Variants in FSTL5 observed in about 807,000 individuals in gnomAD.
FSTL5 encodes the protein follistatin like 5.
In FSTL5, 62 loss-of-function variants were observed where a neutral mutation model predicts 89.1. The observed-to-expected ratio is 0.70, with a 90% CI of 0.57 to 0.86. The LOEUF (loss-of-function observed/expected upper bound fraction) is 0.86, where lower values mean the gene tolerates loss of function less well. FSTL5 is among the 40% of genes least tolerant of loss of function. The pLI is 0.00. For synonymous variants in FSTL5, 383 were observed against 346.2 expected, an observed-to-expected ratio of 1.11 and a Z score of -1.18; for missense variants, 1,057 against 1,001.6, an observed-to-expected ratio of 1.06 and a Z score of -0.75.
At chr4:161,416,042 G>A (rs376326331) in intron 15 of FSTL5, among the ~76,000 whole-genome samples, 2 of 151,810 alleles carry the variant, frequency 1.3e-5, no homozygotes, top group Non-Finnish European at 2.9e-5. Flanking sequence ...ATCTTTATTC[G>A]TTGATGAGCT....
At chr4:161,393,084 A>AGCT (rs1730876067) in intron 15 of FSTL5, among the ~76,000 whole-genome samples, 1 of 152,086 alleles carries the variant, frequency 6.6e-6, no homozygotes, top group Non-Finnish European at 1.5e-5. Flanking sequence ...GAATCACTTG[A>AGCT]ACCCGGGAGG....
chr4:161,677,881 G>T (rs755634001), intron 6 of FSTL5, among the ~76,000 whole-genome samples: 30 of 151,674 alleles, frequency 2.0e-4, no homozygotes, highest in Admixed American at 6.6e-5. Flanking sequence ...GTGAATTAAT[G>T]CATATATCTA....
intron 6 of FSTL5, among the ~76,000 whole-genome samples, chr4:161,694,663 A>T (rs1017346773): frequency 6.6e-6 from 1 of 151,954 alleles, no homozygotes; most frequent in African/African-American, 2.4e-5. Flanking sequence ...TTTTTTCCCC[A>T]TGAATGGGCA....
At chr4:161,395,847 C>A (rs1422804236) in intron 15 of FSTL5, among the ~76,000 whole-genome samples, 1 of 152,074 alleles carries the variant, frequency 6.6e-6, no homozygotes, top group African/African-American at 2.4e-5. Flanking sequence ...AAAATCAGGA[C>A]AAATATAAAG....
chr4:161,421,392 G>A (rs182702953), intron 15 of FSTL5, among the ~76,000 whole-genome samples: 10 of 151,722 alleles, frequency 6.6e-5, no homozygotes, highest in East Asian at 1.9e-4. Context: ...AATAATGTGC[G>A]TGTATCAAAG....
At chr4:162,120,773 T>C (rs1256401898) in intron 1 of FSTL5, among the ~76,000 whole-genome samples, 1 of 152,028 alleles carries the variant, frequency 6.6e-6, no homozygotes, top group Non-Finnish European at 1.5e-5. Context: ...TACCTGACTA[T>C]AACCTCTTCA....
At chr4:161,428,650 A>G (rs1732246081) in intron 15 of FSTL5, among the ~76,000 whole-genome samples, 1 of 151,934 alleles carries the variant, frequency 6.6e-6, no homozygotes, top group Admixed American at 6.5e-5. Flanking sequence ...TTTAAATGGA[A>G]GAACGCAGTC....
Position 161,384,664 on chromosome 4 carries a change from CT to C in FSTL5, c.*1082del, listed in dbSNP as rs1730551401. On this transcript the variant is annotated 3_prime_UTR_variant, in exon 16 of 16. Coordinates refer to ENST00000306100, the MANE Select transcript of FSTL5 (RefSeq NM_020116.5). ...TTTAAATAGCAAAAACAATGGAGTA[CT>C]ACATTTTTACTTACCACTGTCGGGC... 6.6e-6 allele frequency: 1 copy of C among 152,054 alleles called. No homozygotes were observed. Among genetic ancestry groups the C allele is most frequent in the African/African-American group, 2.4e-5 (1 of 41,406 alleles). The allele number at this position is 152,054 out of a possible 1,614,324, so 9.4% of individuals were successfully genotyped here.
chr4:161,848,857 T>C (rs1441392342), intron 4 of FSTL5, among the ~76,000 whole-genome samples: 2 of 152,156 alleles, frequency 1.3e-5, no homozygotes, highest in African/African-American at 4.8e-5. Flanking sequence ...TTACTTGCAT[T>C]CAATTGACCA....
At chr4:161,442,765 C>A (rs11931414) in intron 15 of FSTL5, among the ~76,000 whole-genome samples, 14,769 of 152,012 alleles carry the variant, frequency 0.097, 796 homozygotes, top group South Asian at 0.2. Context: ...GTGCCAGGAA[C>A]TGTACAAGAG....
At chr4:161,818,142 C>T (rs1730384499) in intron 4 of FSTL5, among the ~76,000 whole-genome samples, 1 of 152,162 alleles carries the variant, frequency 6.6e-6, no homozygotes, top group Non-Finnish European at 1.5e-5. Context: ...AGCTGGACAT[C>T]AAGAAGAATG....
rs548209321 is a variant in FSTL5 at position 162,111,264 on chromosome 4, A to T, written c.126+7T>A. 4.4e-5 allele frequency: 71 copies of T among 1,601,804 alleles called. 2 individuals are homozygous for T. In the South Asian group the frequency reaches 7.9e-4, roughly 18 times the overall value. ...CACTATGAGCAGATTCAGAATATTG[A>T]CTGTACCTTATGTCGCAATCTCATT... On this transcript the variant is annotated splice_region_variant and intron_variant, in intron 2 of 15. Coordinates refer to ENST00000306100, the MANE Select transcript of FSTL5 (RefSeq NM_020116.5).
At chr4:161,419,216 T>C (rs1731896964) in intron 15 of FSTL5, among the ~76,000 whole-genome samples, 1 of 152,238 alleles carries the variant, frequency 6.6e-6, no homozygotes, top group South Asian at 2.1e-4. Flanking sequence ...GCACTAGTCA[T>C]ATTTTTTCAT....
intron 8 of FSTL5, among the ~76,000 whole-genome samples, chr4:161,579,597 A>T (rs1733353421): frequency 6.6e-6 from 1 of 151,984 alleles, no homozygotes; most frequent in African/African-American, 2.4e-5. Context: ...GGCACCTGTG[A>T]TTGCAGCTAC....
chr4:162,112,775 TCACA>T (rs71598742), intron 1 of FSTL5, among the ~76,000 whole-genome samples: 37,572 of 139,142 alleles, frequency 0.27, 4,869 homozygotes, highest in Admixed American at 0.36. Context: ...ACCGACACAA[TCACA>T]CACACACACA....
chr4:161,743,184 A>G (rs1740086890), intron 6 of FSTL5, among the ~76,000 whole-genome samples: 1 of 152,142 alleles, frequency 6.6e-6, no homozygotes, highest in Admixed American at 6.5e-5. Context: ...TCTGACTTTT[A>G]TAGATTCAGC....
chr4:162,056,485 T>C (rs544256807), intron 2 of FSTL5, among the ~76,000 whole-genome samples: 13 of 151,396 alleles, frequency 8.6e-5, no homozygotes, highest in Admixed American at 5.2e-4. Flanking sequence ...CCTAGCAGCA[T>C]TGTATGAACA....
chr4:161,737,597 C>T (rs1456193942), intron 6 of FSTL5, among the ~76,000 whole-genome samples: 1 of 151,950 alleles, frequency 6.6e-6, no homozygotes, highest in Admixed American at 6.6e-5. Context: ...TGAAGTAGCT[C>T]TCATGCATTA....
intron 7 of FSTL5, among the ~76,000 whole-genome samples, chr4:161,619,867 C>T (rs1451612708): frequency 6.6e-6 from 1 of 152,060 alleles, no homozygotes; most frequent in Non-Finnish European, 1.5e-5. Flanking sequence ...ATAAATCATG[C>T]TGCTATAAAG....
Sources: gnomAD v4.1 joint callset for allele counts (sites outside exome capture counted in the v4.1 genomes callset) on GRCh38, gnomAD v4.1.1 for gene constraint, MANE v1.5 for transcripts, NCBI Gene and HGNC (gene_info 2026-07-23, HGNC 2026-07-21) for gene names.